Variants in PPFIA1 observed in about 807,000 individuals in gnomAD.
PPFIA1 encodes liprin-alpha-1.
Under a neutral mutation model 149.9 loss-of-function variants are expected in PPFIA1, and 25 were observed. That is an observed-to-expected ratio of 0.17 (90% CI 0.12 to 0.23). The LOEUF (loss-of-function observed/expected upper bound fraction) is 0.23, where lower values mean the gene tolerates loss of function less well. PPFIA1 is among the 10% of genes least tolerant of loss of function. The pLI is 1.00. For missense variants in PPFIA1, 1,362 were observed against 1,506.5 expected, an observed-to-expected ratio of 0.90 and a Z score of 1.59; for synonymous variants, 549 against 552.8, an observed-to-expected ratio of 0.99 and a Z score of 0.10.
chr11:70,367,055 A>AT (rs2056977850), intron 21 of PPFIA1, among the ~76,000 whole-genome samples: 2 of 152,212 alleles, frequency 1.3e-5, no homozygotes, highest in African/African-American at 4.8e-5. Context: ...ATTTCAGTAT[A>AT]TTTTCCACCA....
intron 2 of PPFIA1, among the ~76,000 whole-genome samples, chr11:70,308,920 C>T (rs570999662): frequency 6.6e-6 from 1 of 152,124 alleles, no homozygotes; most frequent in African/African-American, 2.4e-5. Flanking sequence ...GAGACTCTCT[C>T]GAAGAGATAA....
chr11:70,376,618 T>C lies in PPFIA1; in HGVS notation c.3384+18T>C, dbSNP rs772947270. 34 of 1,581,304 alleles carry C rather than the reference T, an allele frequency of 2.2e-5. No individual in the cohort carries two copies. The highest frequency in any genetic ancestry group is 2.7e-5 in the Non-Finnish European group (31 of 1,150,358). ...TTGATGAAGTAAGTTTTTGGCCTAA[T>C]GTTCTTTAAATGTCTGAAATGTGTG... On this transcript the variant is annotated intron_variant, in intron 25 of 27. Transcript: ENST00000253925.
At chr11:70,355,048 G>A (rs1448824123) in intron 17 of PPFIA1, among the ~76,000 whole-genome samples, 1 of 152,018 alleles carries the variant, frequency 6.6e-6, no homozygotes, top group African/African-American at 2.4e-5. Context: ...GGAACTACAG[G>A]CGCACACCAC....
At chr11:70,333,403 A>G in intron 9 of PPFIA1, 67 bp from the exon 10 acceptor site, 1 of 1,248,992 alleles carries the variant, frequency 8.0e-7, no homozygotes, top group Non-Finnish European at 1.2e-6. Flanking sequence ...TTGCCACTGC[A>G]GTGGTATGCA....
In PPFIA1 at chr11:70,362,475, C is replaced by T. The variant is rs1308635925; in HGVS notation, c.2852C>T (p.Pro951Leu). The part of the protein sequence containing the change: ...IMSLTSPSAP[P>L]TSRTTLAYGD... ...TCGCTGACCAGCCCGTCTGCCCCGC[C>T]CACATCTAGAACGGTACGTTCAGAG... Residue 951 changes from proline to leucine, a missense_variant, in exon 21 of 28, where the codon CCC (proline) becomes CTC (leucine). Transcript: ENST00000253925. 1.2e-6 allele frequency: 2 copies of T among 1,612,592 alleles called. No individual in the cohort carries two copies. The highest frequency in any genetic ancestry group is 1.7e-6 in the Non-Finnish European group (2 of 1,179,262).
At chr11:70,350,708 G>A (rs1591308515) in intron 16 of PPFIA1, among the ~76,000 whole-genome samples, 1 of 152,250 alleles carries the variant, frequency 6.6e-6, no homozygotes, top group South Asian at 2.1e-4. Flanking sequence ...TAGAATAGAT[G>A]ATTGTTAGGG....
intron 2 of PPFIA1, among the ~76,000 whole-genome samples, chr11:70,313,329 G>C (rs1241895137): frequency 6.6e-6 from 1 of 152,220 alleles, no homozygotes. Context: ...ATTTGGGTTA[G>C]AAGTTATTAG....
intron 2 of PPFIA1, among the ~76,000 whole-genome samples, chr11:70,302,256 G>C (rs1031079146): frequency 3.3e-5 from 5 of 152,322 alleles, no homozygotes; most frequent in African/African-American, 9.6e-5. Flanking sequence ...GGAGGGAGCA[G>C]CCAGCAGCTT....
intron 4 of PPFIA1, 74 bp downstream of exon 4, chr11:70,325,085 C>T: frequency 7.0e-7 from 1 of 1,430,878 alleles, no homozygotes; most frequent in Non-Finnish European, 9.3e-7. Flanking sequence ...GTTGGTGTAA[C>T]TTTTGTTTTT....
At position 70,324,439 on chromosome 11, in the gene PPFIA1, G is replaced by A; in HGVS notation, c.302G>A (p.Arg101Lys). The A allele has an allele frequency of 6.2e-7, 1 of 1,613,622 alleles. No individual in the cohort carries two copies. Among genetic ancestry groups the A allele is most frequent in the East Asian group, 2.2e-5 (1 of 44,872 alleles). ...CTTACTAAAGAACTCAATGTATGCAGGGAACAGCTCCTTGAAAGGGAAGAA... is the reference window on the plus strand; with the variant it reads ...CTTACTAAAGAACTCAATGTATGCAAGGAACAGCTCCTTGAAAGGGAAGAA... ...AALTKELNVC[R>K]EQLLEREEEI... The change falls in exon 3 of 28, where the codon AGG becomes AAG. Residue 101 changes from arginine to lysine, a missense_variant. This residue lies in a region of PPFIA1 where 79 missense variants were observed against 146.2 expected (regional missense o/e 0.54). Coordinates refer to ENST00000253925, the MANE Select transcript of PPFIA1 (RefSeq NM_003626.5).
At chr11:70,362,554 C>T in intron 21 of PPFIA1, 66 bp downstream of exon 21, 1 of 1,469,130 alleles carries the variant, frequency 6.8e-7, no homozygotes, top group African/African-American at 1.4e-5. Flanking sequence ...GTATCACTGC[C>T]CTGTTTACAT....
chr11:70,325,612 G>C (rs773651780), intron 5 of PPFIA1, 38 bp downstream of exon 5: 65 of 1,433,920 alleles, frequency 4.5e-5, no homozygotes, highest in Middle Eastern at 1.8e-4. Flanking sequence ...AATTGGGGGG[G>C]GGTTATTTTT....
At chr11:70,335,927 T>A (rs1328423745) in intron 11 of PPFIA1, among the ~76,000 whole-genome samples, 1 of 152,220 alleles carries the variant, frequency 6.6e-6, no homozygotes, top group Non-Finnish European at 1.5e-5. Flanking sequence ...TCTTATTCTC[T>A]AGAATGAGAG....
intron 2 of PPFIA1, among the ~76,000 whole-genome samples, chr11:70,279,787 C>T (rs1024770147): frequency 2.7e-5 from 4 of 149,736 alleles, no homozygotes; most frequent in African/African-American, 1.0e-4. Context: ...GACTGGGTCT[C>T]TCTGTTGCCC....
chr11:70,338,292 C>A, intron 12 of PPFIA1, 82 bp from the exon 13 acceptor site: 3 of 1,138,050 alleles, frequency 2.6e-6, no homozygotes, highest in South Asian at 1.3e-5. Context: ...AGGGTTATGC[C>A]CAACATCTGA....
intron 2 of PPFIA1, among the ~76,000 whole-genome samples, chr11:70,299,879 C>A (rs1000188889): frequency 3.3e-5 from 5 of 152,224 alleles, no homozygotes; most frequent in African/African-American, 1.2e-4. Context: ...AGCACACTTG[C>A]CACAGCCACC....
At chr11:70,367,716 A>G (rs1312635669) in intron 21 of PPFIA1, 2 of 402,534 alleles carry the variant, frequency 5.0e-6, no homozygotes, top group Non-Finnish European at 9.8e-6. Flanking sequence ...TATAATGAGG[A>G]AACAGAAACA....
At chr11:70,316,763 A>G (rs942158095) in intron 2 of PPFIA1, among the ~76,000 whole-genome samples, 1 of 152,238 alleles carries the variant, frequency 6.6e-6, no homozygotes, top group Non-Finnish European at 1.5e-5. Flanking sequence ...ATGACGGGAA[A>G]AGATGGATCA....
intron 17 of PPFIA1, among the ~76,000 whole-genome samples, chr11:70,354,733 A>G (rs149194695): frequency 6.6e-6 from 1 of 151,998 alleles, no homozygotes; most frequent in Non-Finnish European, 1.5e-5. Context: ...TTCAGAGTCT[A>G]TAAATTGACT....
Sources: gnomAD v4.1 joint callset for allele counts (sites outside exome capture counted in the v4.1 genomes callset) on GRCh38, gnomAD v4.1.1 for gene constraint, gnomAD v4.1.1 regional missense constraint, MANE v1.5 for transcripts, NCBI Gene and HGNC (gene_info 2026-07-23, HGNC 2026-07-21) for gene names.